VAPB: variants seen among roughly 807,000 people sequenced by gnomAD.
VAPB encodes vesicle-associated membrane protein-associated protein B/C.
VAPB carries 7 observed loss-of-function variants against 25.6 expected under a neutral mutation model. The observed-to-expected ratio is 0.27, with a 90% CI of 0.16 to 0.51. The LOEUF (loss-of-function observed/expected upper bound fraction) is 0.51, where lower values mean the gene tolerates loss of function less well. VAPB is among the 20% of genes least tolerant of loss of function. The probability of loss-of-function intolerance (pLI) is 0.97; values close to 1 mark genes in which losing one functional copy is unlikely to be tolerated. For synonymous variants in VAPB, 112 were observed against 109.2 expected, an observed-to-expected ratio of 1.03 and a Z score of -0.16; for missense variants, 266 against 301.3, an observed-to-expected ratio of 0.88 and a Z score of 0.87.
intron 1 of VAPB, among the ~76,000 whole-genome samples, chr20:58,406,922 G>A (rs907267004): frequency 4.0e-5 from 6 of 151,842 alleles, no homozygotes; most frequent in Non-Finnish European, 8.8e-5. Flanking sequence ...GTTTATTTTT[G>A]TGATTACTGT....
chr20:58,439,451 T>C (rs1989115085), intron 4 of VAPB: 1 of 215,820 alleles, frequency 4.6e-6, no homozygotes, highest in Non-Finnish European at 9.4e-6. Context: ...CCTTTTACCC[T>C]ATCTACCTCT....
At chr20:58,438,858 A>G (rs1989102344) in intron 3 of VAPB, 87 bp from the exon 4 acceptor site, 1 of 1,144,480 alleles carries the variant, frequency 8.7e-7, no homozygotes, top group Non-Finnish European at 1.3e-6. Context: ...CATTAAGAGT[A>G]TTTTTCTGAA....
At chr20:58,411,657 T>G (rs1325407279) in intron 1 of VAPB, among the ~76,000 whole-genome samples, 2 of 152,108 alleles carry the variant, frequency 1.3e-5, no homozygotes, top group African/African-American at 4.8e-5. Flanking sequence ...AAAATTAGGT[T>G]GTTCATTTTA....
Position 58,447,712 on chromosome 20 carries a change from T to C in VAPB, c.*3477T>C. The C allele has an allele frequency of 4.4e-6, 2 of 453,942 alleles. No individual in the cohort carries two copies. The highest frequency in any genetic ancestry group is 4.4e-6 in the Non-Finnish European group (1 of 226,634). 28.1% of individuals were successfully genotyped at this position (453,942 alleles called of 1,614,324 possible). ...GCATATGTGCCGTATGTCAGTAGCT[T>C]GACAGTTTTCAAATCGTGCCTATAT... On this transcript the variant is annotated 3_prime_UTR_variant, in exon 6 of 6. Coordinates refer to ENST00000475243, the MANE Select transcript of VAPB (RefSeq NM_004738.5).
In VAPB at chr20:58,441,870, A is replaced by G. The variant is rs149740934; in HGVS notation, c.573+787A>G. Among the ~76,000 whole-genome samples, 285 of 152,240 alleles carry G rather than the reference A, an allele frequency of 1.9e-3. 1 individual carries two copies. Among genetic ancestry groups the G allele is most frequent in the African/African-American group, 6.3e-3 (260 of 41,558 alleles). ...CTGGGCAGTTGTGGCTCATCAAACT[A>G]TTGATGTGGTGATGAGCTTGGAGGT... On this transcript the variant is annotated intron_variant, in intron 5 of 5. Coordinates refer to ENST00000475243, the MANE Select transcript of VAPB (RefSeq NM_004738.5).
At chr20:58,405,285 C>G (rs1450757604) in intron 1 of VAPB, among the ~76,000 whole-genome samples, 1 of 151,986 alleles carries the variant, frequency 6.6e-6, no homozygotes, top group African/African-American at 2.4e-5. Context: ...TGATGATGAG[C>G]TTGGTGTGTT....
Position 58,444,434 on chromosome 20 carries a change from AAT to A in VAPB, c.*200_*201del, listed in dbSNP as rs571412501. On this transcript the variant is annotated 3_prime_UTR_variant, in exon 6 of 6. Coordinates refer to ENST00000475243, the MANE Select transcript of VAPB (RefSeq NM_004738.5). Reference sequence around the variant, plus strand: ...TGTAACGATCTTTTAGAAAGTTAAAAATGTATAGTAACTGATTGAGGGGGAAA... The same window carrying A: ...TGTAACGATCTTTTAGAAAGTTAAAAGTATAGTAACTGATTGAGGGGGAAA... The A allele has an allele frequency of 0.059, 44,860 of 764,936 alleles. 1,643 individuals carry two copies. The highest frequency in any genetic ancestry group is 0.075 in the Non-Finnish European group (33,681 of 446,476). The allele number at this position is 764,936 out of a possible 1,614,324, so 47.4% of individuals were successfully genotyped here.
At chr20:58,409,939 CAGAT>C (rs1013132875) in intron 1 of VAPB, among the ~76,000 whole-genome samples, 9 of 142,744 alleles carry the variant, frequency 6.3e-5, no homozygotes, top group Non-Finnish European at 1.1e-4. Context: ...ACACACAATA[CAGAT>C]AGATATTTTC....
intron 2 of VAPB, among the ~76,000 whole-genome samples, chr20:58,432,661 G>C (rs1257852995): frequency 6.6e-6 from 1 of 152,228 alleles, no homozygotes; most frequent in Non-Finnish European, 1.5e-5. Context: ...AGCATGTAAA[G>C]ACATTGGCTC....
intron 2 of VAPB, among the ~76,000 whole-genome samples, chr20:58,422,423 A>T (rs1309175813): frequency 6.6e-6 from 1 of 152,212 alleles, no homozygotes; most frequent in Non-Finnish European, 1.5e-5. Flanking sequence ...TCCTCCTGAG[A>T]TTTCAAATGT....
intron 2 of VAPB, among the ~76,000 whole-genome samples, chr20:58,424,918 C>T (rs1335477174): frequency 1.3e-5 from 2 of 152,244 alleles, no homozygotes; most frequent in East Asian, 1.9e-4. Flanking sequence ...TTGCTAGACT[C>T]AGAGTTCCAT....
At chr20:58,429,312 C>T (rs537100735) in intron 2 of VAPB, among the ~76,000 whole-genome samples, 2 of 152,330 alleles carry the variant, frequency 1.3e-5, no homozygotes, top group Admixed American at 6.5e-5. Context: ...GTATATATCT[C>T]CTCAGTCCTC....
chr20:58,428,112 G>A (rs1246813767), intron 2 of VAPB, among the ~76,000 whole-genome samples: 2 of 152,186 alleles, frequency 1.3e-5, no homozygotes, highest in Admixed American at 1.3e-4. Flanking sequence ...TACTCCAAGG[G>A]GTGTGTGTGT....
intron 1 of VAPB, among the ~76,000 whole-genome samples, chr20:58,408,470 T>C (rs1988287127): frequency 6.6e-6 from 1 of 152,226 alleles, no homozygotes; most frequent in Non-Finnish European, 1.5e-5. Context: ...TTCTAAAGCA[T>C]TGATTTAATG....
At chr20:58,413,805 C>G (rs1179889051) in intron 1 of VAPB, among the ~76,000 whole-genome samples, 1 of 147,866 alleles carries the variant, frequency 6.8e-6, no homozygotes, top group Non-Finnish European at 1.5e-5. Flanking sequence ...CCGGACGGGG[C>G]AGCTGGCCGG....
intron 2 of VAPB, among the ~76,000 whole-genome samples, chr20:58,428,589 C>T (rs1047449464): frequency 1.3e-5 from 2 of 152,032 alleles, no homozygotes; most frequent in African/African-American, 4.8e-5. Context: ...GAGTTGGAGG[C>T]CAGTCTGGAC....
At chr20:58,413,737 C>T (rs1158606488) in intron 1 of VAPB, among the ~76,000 whole-genome samples, 15 of 151,428 alleles carry the variant, frequency 9.9e-5, no homozygotes, top group Admixed American at 3.3e-4. Context: ...CAGAGGCGCC[C>T]GTCACCTCCC....
chr20:58,391,776 G>T (rs561978218), intron 1 of VAPB, among the ~76,000 whole-genome samples: 1 of 152,096 alleles, frequency 6.6e-6, no homozygotes, highest in Non-Finnish European at 1.5e-5. Flanking sequence ...CAAGTGATCC[G>T]CCCTCCTTGG....
intron 2 of VAPB, among the ~76,000 whole-genome samples, chr20:58,423,168 T>C (rs965050256): frequency 6.6e-6 from 1 of 151,848 alleles, no homozygotes; most frequent in African/African-American, 2.4e-5. Context: ...TCCCAGCACT[T>C]TGGGAGGCCG....
Sources: gnomAD v4.1 joint callset for allele counts (sites outside exome capture counted in the v4.1 genomes callset) on GRCh38, gnomAD v4.1.1 for gene constraint, MANE v1.5 for transcripts, NCBI Gene and HGNC (gene_info 2026-07-23, HGNC 2026-07-21) for gene names.